Variants in CNN2 observed in about 807,000 individuals in gnomAD.
The protein encoded by CNN2 is calponin-2.
In CNN2, 21 loss-of-function variants were observed where a neutral mutation model predicts 31.0. That is an observed-to-expected ratio of 0.68 (90% CI 0.48 to 0.98). CNN2 has a LOEUF of 0.98. CNN2 is among the 50% of genes least tolerant of loss of function. The pLI is 0.00. For synonymous variants in CNN2, 165 were observed against 179.6 expected, an observed-to-expected ratio of 0.92 and a Z score of 0.65; for missense variants, 399 against 427.3, an observed-to-expected ratio of 0.93 and a Z score of 0.58.
At position 1,037,849 on chromosome 19, in the gene CNN2, G is replaced by C. The variant is rs76751843; in HGVS notation, c.879G>C (p.Pro293=). The C allele has an allele frequency of 1.5e-5, 23 of 1,509,912 alleles. No homozygotes were observed. In the East Asian group the frequency reaches 1.7e-4, roughly 11 times the overall value. The allele number at this position is 1,509,912 out of a possible 1,614,324, so 93.5% of individuals were successfully genotyped here. The change falls in exon 7 of 7, where the codon CCG becomes CCC. Residue 293 remains proline (P), a synonymous_variant. Coordinates refer to ENST00000263097, the MANE Select transcript of CNN2 (RefSeq NM_004368.4). ...APSGTGDCPD[P]GEVPEYPPYY... ...CGGGCACCGGCGACTGCCCGGACCC[G>C]GGGGAGGTCCCTGAATATCCCCCTT...
intron 1 of CNN2, 164 bp from the exon 2 acceptor site, chr19:1,030,907 T>G: frequency 1.2e-6 from 1 of 867,464 alleles, no homozygotes; most frequent in Non-Finnish European, 1.8e-6. Flanking sequence ...CCCCCAATGA[T>G]GGGAAAAGGG....
At chr19:1,035,660 C>T (rs1599515470) in intron 4 of CNN2, among the ~76,000 whole-genome samples, 1 of 152,304 alleles carries the variant, frequency 6.6e-6, no homozygotes, top group East Asian at 1.9e-4. Flanking sequence ...CGGTGGCTCA[C>T]GCCTGTAATC....
intron 1 of CNN2, among the ~76,000 whole-genome samples, chr19:1,028,683 G>T (rs2039438882): frequency 6.6e-6 from 1 of 151,776 alleles, no homozygotes; most frequent in Non-Finnish European, 1.5e-5. Flanking sequence ...GTGCTGGAAG[G>T]CCGGCGGCCG....
rs940420777 is a variant in CNN2, at chr19:1,031,274, T to C, written c.185+82T>C. ...ACTTTTTTTCTTAATTAAGAAATTT[T>C]TGGGGGGCCGGGCATGGCCTGGCTC... On this transcript the variant is annotated intron_variant, in intron 2 of 6. Coordinates refer to ENST00000263097, the MANE Select transcript of CNN2 (RefSeq NM_004368.4). 1.3e-5 allele frequency: 15 copies of C among 1,179,618 alleles called. No homozygotes were observed. In the African/African-American group the frequency reaches 1.6e-4, roughly 13 times the overall value. 73.1% of individuals were successfully genotyped at this position (1,179,618 alleles called of 1,614,324 possible). A position where few individuals can be genotyped will look rare whatever the true frequency, so the allele number is the denominator to read the frequency against.
intron 6 of CNN2, 142 bp from the exon 7 acceptor site, chr19:1,037,483 G>A: frequency 9.6e-7 from 1 of 1,040,866 alleles, no homozygotes; most frequent in South Asian, 1.5e-5. Flanking sequence ...TGTTGGCCAG[G>A]CTGGACTGGA....
In CNN2 at chr19:1,035,610, A is replaced by T. The variant is rs189776623; in HGVS notation, c.391-520A>T. Among the ~76,000 whole-genome samples, 8 of 152,286 alleles carry T rather than the reference A, an allele frequency of 5.3e-5. 1 individual carries two copies. In the East Asian group the frequency reaches 1.4e-3, roughly 26 times the overall value. On this transcript the variant is annotated intron_variant, in intron 4 of 6. Transcript: ENST00000263097. ...CTGGAAAGCTGAGCTGTTGCCTAAGACAAGGCACGCTGGGATGAAGCAGCC... is the reference window on the plus strand; with the variant it reads ...CTGGAAAGCTGAGCTGTTGCCTAAGTCAAGGCACGCTGGGATGAAGCAGCC...
chr19:1,037,565 C>G, intron 6 of CNN2, 60 bp from the exon 7 acceptor site: 1 of 1,578,324 alleles, frequency 6.3e-7, no homozygotes, highest in Non-Finnish European at 8.6e-7. Flanking sequence ...AGCCAGTGCA[C>G]CCAGTGAAGG....
chr19:1,028,517 A>C (rs2039435211), intron 1 of CNN2, among the ~76,000 whole-genome samples: 1 of 152,002 alleles, frequency 6.6e-6, no homozygotes, highest in African/African-American at 2.4e-5. Flanking sequence ...CCCGTGGCTC[A>C]GTTGACTCCC....
At chr19:1,028,435 C>T (rs79064007) in intron 1 of CNN2, among the ~76,000 whole-genome samples, 1 of 152,134 alleles carries the variant, frequency 6.6e-6, no homozygotes, top group Non-Finnish European at 1.5e-5. Context: ...ACCAGCTTCC[C>T]CCTGGCTTCC....
At chr19:1,030,803 T>G in intron 1 of CNN2, 2 of 286,416 alleles carry the variant, frequency 7.0e-6, no homozygotes, top group East Asian at 7.0e-5. Context: ...GCACCGGGAG[T>G]GGATTAGAGC....
At chr19:1,035,314 C>T (rs1183557191) in intron 4 of CNN2, among the ~76,000 whole-genome samples, 1 of 152,054 alleles carries the variant, frequency 6.6e-6, no homozygotes, top group Non-Finnish European at 1.5e-5. Flanking sequence ...AAGGTCTTGA[C>T]ATTGGAATTG....
intron 2 of CNN2, among the ~76,000 whole-genome samples, chr19:1,031,564 CAAAAAA>C (rs536524090): frequency 9.2e-4 from 61 of 66,326 alleles, no homozygotes; most frequent in South Asian, 1.2e-3. Flanking sequence ...GACTCCATCT[CAAAAAA>C]AAAAAAAAAA....
chr19:1,032,575 A>T lies in CNN2; in HGVS notation c.269A>T (p.Asn90Ile), dbSNP rs375001580. 2.7e-5 allele frequency: 43 copies of T among 1,613,118 alleles called. No homozygotes were observed. The highest frequency in any genetic ancestry group is 3.6e-5 in the Non-Finnish European group (43 of 1,179,926). ...TCTTCCCAGCTAGAAAACCTGTCCA[A>T]CTTCATCAAGGCCATGGTCAGCTAC... is the stretch of plus-strand genomic sequence containing the variant. ...QNWHQLENLS[N>I]FIKAMVSYGM... The change falls in exon 4 of 7, where the codon AAC becomes ATC. Residue 90 changes from asparagine (N) to isoleucine (I), a missense_variant. Physicochemically the swap from Asn to Ile is moderately radical, Grantham distance 149. Transcript: ENST00000263097.
intron 6 of CNN2, chr19:1,036,823 C>A: frequency 1.7e-6 from 1 of 574,020 alleles, no homozygotes; most frequent in South Asian, 2.1e-5. Context: ...AAAGGTCCAC[C>A]CAATTCTTTT....
At chr19:1,030,762 G>A (rs956412186) in intron 1 of CNN2, among the ~76,000 whole-genome samples, 3 of 152,060 alleles carry the variant, frequency 2.0e-5, no homozygotes, top group Non-Finnish European at 2.9e-5. Flanking sequence ...AGAAGGCAGG[G>A]CGGGGAGGCA....
Position 1,032,624 on chromosome 19 carries a change from C to T in CNN2, c.318C>T (p.Phe106=), listed in dbSNP as rs781203580. The change falls in exon 4 of 7, where the codon TTC becomes TTT. Residue 106 remains phenylalanine, a synonymous_variant. Coordinates refer to ENST00000263097, the MANE Select transcript of CNN2 (RefSeq NM_004368.4). ...ACGGCATGAACCCTGTGGACCTGTT[C>T]GAGGCCAACGACCTGTTTGAGAGTG... ...VSYGMNPVDL[F]EANDLFESGN... The T allele has an allele frequency of 2.5e-5, 41 of 1,612,644 alleles. No individual in the cohort carries two copies. Among genetic ancestry groups the T allele is most frequent in the Non-Finnish European group, 3.4e-5 (40 of 1,180,022 alleles).
At chr19:1,036,612 C>G (rs1266396271) in intron 6 of CNN2, 50 bp downstream of exon 6, 1 of 1,611,928 alleles carries the variant, frequency 6.2e-7, no homozygotes, top group East Asian at 2.2e-5. Context: ...CCTCTACACC[C>G]TGTGGTCTCG....
At position 1,038,547 on chromosome 19, in the gene CNN2, C is replaced by T. The variant is rs763261911; in HGVS notation, c.*647C>T. ...TGAGTTGTTGGGGCTAAGCCTGACC[C>T]CCTCTCCATGCTCCCCGCCCCAACC... On this transcript the variant is annotated 3_prime_UTR_variant, in exon 7 of 7. Coordinates refer to ENST00000263097, the MANE Select transcript of CNN2 (RefSeq NM_004368.4). The T allele has an allele frequency of 1.3e-5, 2 of 152,246 alleles. No individual in the cohort carries two copies. The highest frequency in any genetic ancestry group is 1.5e-5 in the Non-Finnish European group (1 of 68,046). The allele number at this position is 152,246 out of a possible 1,614,324, so 9.4% of individuals were successfully genotyped here.
intron 1 of CNN2, among the ~76,000 whole-genome samples, chr19:1,027,496 C>T (rs528591180): frequency 6.6e-5 from 10 of 152,290 alleles, no homozygotes; most frequent in African/African-American, 2.4e-4. Flanking sequence ...GGCAACATGG[C>T]GAAACCCCAT....
Sources: gnomAD v4.1 joint callset for allele counts (sites outside exome capture counted in the v4.1 genomes callset) on GRCh38, gnomAD v4.1.1 for gene constraint, MANE v1.5 for transcripts, NCBI Gene and HGNC (gene_info 2026-07-23, HGNC 2026-07-21) for gene names.